The following NBAS variants were observed in gnomAD, a reference collection of about 807,000 sequenced individuals.
The protein encoded by NBAS is NAG/BC035112 fusion.
NBAS carries 219 observed loss-of-function variants against 302.5 expected under a neutral mutation model. That is an observed-to-expected ratio of 0.72 (90% CI 0.65 to 0.81). The LOEUF is 0.81. NBAS is among the 30% of genes least tolerant of loss of function. The pLI is 0.00. For synonymous variants in NBAS, 1,118 were observed against 1,021.6 expected, an observed-to-expected ratio of 1.09 and a Z score of -1.80; for missense variants, 2,932 against 2,841.6, an observed-to-expected ratio of 1.03 and a Z score of -0.72.
At chr2:14,788,118 T>A in the NBAS span, among the ~76,000 whole-genome samples, 2 of 152,238 alleles carry the variant, frequency 1.3e-5, no homozygotes, top group Admixed American at 6.5e-5. Context: ...TCGCATCGGC[T>A]CCTGAGGCTC....
intron 48 of NBAS, among the ~76,000 whole-genome samples, chr2:15,194,140 ATAT>A (rs1013472382): frequency 6.6e-6 from 1 of 152,180 alleles, no homozygotes; most frequent in Non-Finnish European, 1.5e-5. Flanking sequence ...AAGCTAAAAG[ATAT>A]TATAAGACAT....
At chr2:14,896,851 C>A in the NBAS span, among the ~76,000 whole-genome samples, 2 of 152,110 alleles carry the variant, frequency 1.3e-5, no homozygotes, top group African/African-American at 2.4e-5. Flanking sequence ...AATGTATAAG[C>A]ATTTTAATGT....
chr2:15,043,634 G>A, the NBAS span, among the ~76,000 whole-genome samples: 1 of 152,134 alleles, frequency 6.6e-6, no homozygotes. Flanking sequence ...GCCTTCACTT[G>A]CTGTGCCAGA....
At chr2:14,849,555 G>A in the NBAS span, among the ~76,000 whole-genome samples, 3 of 150,772 alleles carry the variant, frequency 2.0e-5, no homozygotes, top group Non-Finnish European at 2.9e-5. Context: ...GCAGGCCAAC[G>A]TTCAGATTCA....
intron 28 of NBAS, among the ~76,000 whole-genome samples, chr2:15,390,877 G>A (rs1675558368): frequency 6.6e-6 from 1 of 152,122 alleles, no homozygotes; most frequent in South Asian, 2.1e-4. Context: ...CACTTTGGAA[G>A]GCCGAGGCAG....
rs1307029745 is a variant in NBAS, at chr2:15,290,097, G to A, written c.5027+2440C>T. Among the ~76,000 whole-genome samples, 10 of 149,874 alleles carry A rather than the reference G, an allele frequency of 6.7e-5. No homozygotes were observed. The South Asian group carries it at 1.1e-3, about 16-fold the overall frequency. The stretch of plus-strand genomic sequence containing the variant: ...TAGGGGAGAGAGTAGAGGGGAGAGG[G>A]GAGAGAGGAGAGGGGAGAGGGGAGA... On this transcript the variant is annotated intron_variant, in intron 41 of 51. Transcript: ENST00000281513.
At chr2:14,794,582 T>C in the NBAS span, among the ~76,000 whole-genome samples, 1 of 152,200 alleles carries the variant, frequency 6.6e-6, no homozygotes. Context: ...TTTATATCAA[T>C]TTTTAAAAAC....
intron 9 of NBAS, among the ~76,000 whole-genome samples, chr2:15,532,608 C>T (rs1046401449): frequency 1.8e-4 from 27 of 151,348 alleles, no homozygotes; most frequent in Non-Finnish European, 3.5e-4. Flanking sequence ...ACTAAATATC[C>T]ATCTTCCACA....
the NBAS span, among the ~76,000 whole-genome samples, chr2:15,121,612 C>A: frequency 6.6e-6 from 1 of 152,060 alleles, no homozygotes; most frequent in African/African-American, 2.4e-5. Context: ...TTAGCTTTTC[C>A]TTCAATTATA....
At chr2:15,441,063 C>T (rs974572967) in intron 21 of NBAS, among the ~76,000 whole-genome samples, 9 of 152,122 alleles carry the variant, frequency 5.9e-5, no homozygotes, top group Non-Finnish European at 1.2e-4. Context: ...GAGAATGGAA[C>T]CAAGTTGGAA....
intron 44 of NBAS, among the ~76,000 whole-genome samples, chr2:15,265,029 A>G (rs1669016251): frequency 6.6e-6 from 1 of 152,142 alleles, no homozygotes; most frequent in Non-Finnish European, 1.5e-5. Flanking sequence ...TCCTTTCCAC[A>G]TCATATGCAA....
chr2:15,263,690 C>T (rs1668948834), intron 44 of NBAS, among the ~76,000 whole-genome samples: 5 of 92,916 alleles, frequency 5.4e-5, no homozygotes, highest in African/African-American at 3.0e-4. Context: ...CAAATACCCT[C>T]ATCAGTTAAA....
chr2:14,948,448 G>A, the NBAS span, among the ~76,000 whole-genome samples: 7 of 151,954 alleles, frequency 4.6e-5, no homozygotes, highest in African/African-American at 1.7e-4. Flanking sequence ...ATTTATTTAT[G>A]CCAACAGTGT....
chr2:14,963,930 C>A, the NBAS span, among the ~76,000 whole-genome samples: 1 of 152,342 alleles, frequency 6.6e-6, no homozygotes, highest in Admixed American at 6.5e-5. Flanking sequence ...ATGAAATACT[C>A]AGACGAGTCT....
At chr2:14,860,474 T>C in the NBAS span, among the ~76,000 whole-genome samples, 1 of 152,214 alleles carries the variant, frequency 6.6e-6, no homozygotes, top group Non-Finnish European at 1.5e-5. Flanking sequence ...ATGTGATATA[T>C]AAACACAATG....
intron 33 of NBAS, among the ~76,000 whole-genome samples, chr2:15,355,577 T>C (rs1445240737): frequency 2.0e-5 from 3 of 151,958 alleles, no homozygotes; most frequent in Non-Finnish European, 4.4e-5. Flanking sequence ...GTGCTGGAGG[T>C]GGGGCCTTGG....
In NBAS at chr2:15,167,027, G is replaced by A; in HGVS notation, c.*21C>T. 1 of 1,516,036 alleles carries A rather than the reference G, an allele frequency of 6.6e-7. No individual in the cohort carries two copies. Among genetic ancestry groups the A allele is most frequent in the Non-Finnish European group, 8.8e-7 (1 of 1,131,336 alleles). The allele number at this position is 1,516,036 out of a possible 1,614,324, so 93.9% of individuals were successfully genotyped here. ...AACTCCAGATGCTTTTTCTGCTAAG[G>A]AGCAGGGCCACAGGTGGCCCTCACA... On this transcript the variant is annotated 3_prime_UTR_variant, in exon 52 of 52. Coordinates refer to ENST00000281513, the MANE Select transcript of NBAS (RefSeq NM_015909.4).
At chr2:15,041,119 T>A in the NBAS span, among the ~76,000 whole-genome samples, 3 of 152,168 alleles carry the variant, frequency 2.0e-5, no homozygotes, top group African/African-American at 7.2e-5. Flanking sequence ...AATATTCACA[T>A]CACTCTTCAT....
intron 11 of NBAS, among the ~76,000 whole-genome samples, chr2:15,503,897 T>C (rs1216309975): frequency 2.0e-5 from 3 of 152,194 alleles, no homozygotes; most frequent in Non-Finnish European, 4.4e-5. Context: ...TATTCCCAGA[T>C]CCCCAAGAGG....
Sources: allele counts gnomAD v4.1 joint callset (sites outside exome capture counted in the v4.1 genomes callset), GRCh38; gene constraint gnomAD v4.1.1; transcripts MANE v1.5; gene names NCBI Gene and HGNC (gene_info 2026-07-23, HGNC 2026-07-21).